The following CC2D2B variants were observed in gnomAD, a reference collection of about 807,000 sequenced individuals.
CC2D2B encodes the protein protein CC2D2B.
A neutral mutation model predicts 161.2 loss-of-function variants in CC2D2B; 128 were observed. The ratio of observed to expected loss-of-function variants is 0.79; its 90% CI spans 0.69 to 0.92. The LOEUF is 0.92. Among genes scored for constraint, CC2D2B ranks in the 40% least tolerant of loss-of-function variants. CC2D2B has a pLI of 0.00. For synonymous variants in CC2D2B, 391 were observed against 449.8 expected (o/e 0.87, Z 1.65); for missense variants, 1,173 against 1,375.1 (o/e 0.85, Z 2.32).
chr10:95,959,255 G>T (rs2076682050), intron 11 of CC2D2B, among the ~76,000 whole-genome samples: 1 of 152,132 alleles, frequency 6.6e-6, no homozygotes, highest in African/African-American at 2.4e-5. Context: ...TTAAAGCAGT[G>T]GGTCTCAAAG....
chr10:95,969,432 T>C (rs936606105), intron 15 of CC2D2B, among the ~76,000 whole-genome samples: 2 of 151,756 alleles, frequency 1.3e-5, no homozygotes, highest in African/African-American at 4.8e-5. Flanking sequence ...AATAGGATGA[T>C]GGAGAAAAAT....
chr10:96,018,423 C>T (rs968875327), intron 30 of CC2D2B, among the ~76,000 whole-genome samples: 2 of 152,194 alleles, frequency 1.3e-5, no homozygotes, highest in African/African-American at 2.4e-5. Flanking sequence ...GAGCCTTAAG[C>T]CAGTTTCCAT....
chr10:95,951,367 C>T (rs1590551580), intron 10 of CC2D2B, among the ~76,000 whole-genome samples: 1 of 151,662 alleles, frequency 6.6e-6, no homozygotes, highest in South Asian at 2.1e-4. Context: ...GCCCAGGCTG[C>T]TCTTGAACTC....
At chr10:95,999,816 C>T in intron 24 of CC2D2B, 1 of 425,408 alleles carries the variant, frequency 2.4e-6, no homozygotes. Context: ...GCAGCTCAGG[C>T]TCCTTCCCAT....
chr10:95,929,309 G>A (rs2098545375), intron 6 of CC2D2B, among the ~76,000 whole-genome samples: 2 of 152,160 alleles, frequency 1.3e-5, no homozygotes, highest in African/African-American at 4.8e-5. Flanking sequence ...CTTTTCAGAT[G>A]AGTAGATTGC....
intron 20 of CC2D2B, among the ~76,000 whole-genome samples, chr10:95,990,448 G>A (rs1202521138): frequency 6.6e-6 from 1 of 152,162 alleles, no homozygotes; most frequent in Non-Finnish European, 1.5e-5. Flanking sequence ...AGCACACCTG[G>A]CCTGTGGGAG....
At chr10:95,926,735 C>T (rs953144520) in intron 5 of CC2D2B, among the ~76,000 whole-genome samples, 17 of 151,372 alleles carry the variant, frequency 1.1e-4, no homozygotes, top group African/African-American at 2.9e-4. Context: ...TCTTTGTCAG[C>T]GGGTTTACAA....
At chr10:95,952,779 C>T (rs1273065154) in intron 10 of CC2D2B, among the ~76,000 whole-genome samples, 1 of 151,908 alleles carries the variant, frequency 6.6e-6, no homozygotes, top group Non-Finnish European at 1.5e-5. Context: ...TTAATCACTC[C>T]CATTCAATGG....
chr10:95,993,936 G>A (rs1423535451), intron 22 of CC2D2B, among the ~76,000 whole-genome samples: 8 of 19,528 alleles, frequency 4.1e-4, no homozygotes, highest in East Asian at 3.7e-3. Context: ...GTGTGTGTGT[G>A]TGTGTGTATG....
At chr10:96,022,862 G>A (rs2079530813) in intron 32 of CC2D2B, 1 of 152,510 alleles carries the variant, frequency 6.6e-6, no homozygotes, top group African/African-American at 2.4e-5. Context: ...AGGAGGCCCT[G>A]AGGGAGGGGA....
In CC2D2B at chr10:95,991,399, TA is replaced by T. The variant is rs2077951645; in HGVS notation, c.2413del (p.Ile805LeufsTer10). On this transcript the variant is annotated frameshift_variant, in exon 21 of 35. Coordinates refer to ENST00000646931, the MANE Select transcript of CC2D2B (RefSeq NM_001349008.3). LOFTEE classifies it high-confidence loss of function. ...GAAGGTTGATAATGAAGAGAATTGTTAAAATTAGCAAATGTAACTTGTCAGA... is the reference window on the plus strand; with the variant it reads ...GAAGGTTGATAATGAAGAGAATTGTTAAATTAGCAAATGTAACTTGTCAGA... The part of the protein sequence containing the change: ...VRRLIMKRIV[K>X]ISKCNLSDIV... 2 of 1,139,256 alleles carry T rather than the reference TA, an allele frequency of 1.8e-6. No homozygotes were observed. Among genetic ancestry groups the T allele is most frequent in the Non-Finnish European group, 2.2e-6 (2 of 902,890 alleles). 70.6% of individuals were successfully genotyped at this position (1,139,256 alleles called of 1,614,324 possible).
Position 95,983,703 on chromosome 10 carries a change from G to A in CC2D2B, c.2180G>A (p.Ser727Asn). ...GTTTCTGAAGAGGAAATGGCAAAGAGTAAACGTTTCCAGCTATTGCAACTT... is the reference window on the plus strand; with the variant it reads ...GTTTCTGAAGAGGAAATGGCAAAGAATAAACGTTTCCAGCTATTGCAACTT... ...NFVSEEEMAKSKRFQLLQLRN... is the reference protein window; with the variant it reads ...NFVSEEEMAKNKRFQLLQLRN... Residue 727 changes from serine (S) to asparagine (N), a missense_variant, in exon 19 of 35, where the codon AGT (serine) becomes AAT (asparagine). By Grantham distance (46) the Ser-to-Asn change is conservative. This residue lies in a region of CC2D2B where 277 missense variants were observed against 420.6 expected (regional missense o/e 0.66). Transcript: ENST00000646931. 8.1e-7 allele frequency: 1 copy of A among 1,230,846 alleles called. No homozygotes were observed. Among genetic ancestry groups the A allele is most frequent in the Non-Finnish European group, 1.0e-6 (1 of 986,870 alleles). 76.2% of individuals were successfully genotyped at this position (1,230,846 alleles called of 1,614,324 possible).
chr10:95,925,406 C>A (rs2098536658), intron 5 of CC2D2B, among the ~76,000 whole-genome samples: 1 of 152,166 alleles, frequency 6.6e-6, no homozygotes, highest in African/African-American at 2.4e-5. Context: ...CATAGGAACT[C>A]AGGGCCCTAG....
intron 2 of CC2D2B, among the ~76,000 whole-genome samples, chr10:95,916,557 G>T (rs138909075): frequency 6.6e-6 from 1 of 151,770 alleles, no homozygotes; most frequent in African/African-American, 2.4e-5. Flanking sequence ...TTTCCTCTTA[G>T]TACTGCTTTT....
At chr10:95,929,133 C>G (rs1024485234) in intron 6 of CC2D2B, among the ~76,000 whole-genome samples, 1 of 152,200 alleles carries the variant, frequency 6.6e-6, no homozygotes, top group Non-Finnish European at 1.5e-5. Flanking sequence ...CTTTGATTTG[C>G]ATTTCTCTAA....
chr10:96,032,887 T>C lies in CC2D2B; in HGVS notation c.*879T>C, dbSNP rs2080107946. On this transcript the variant is annotated 3_prime_UTR_variant, in exon 35 of 35. Coordinates refer to ENST00000646931, the MANE Select transcript of CC2D2B (RefSeq NM_001349008.3). ...CAACTCTGCCTCTGGCACTTTTTGC[T>C]GCTTTTCTTTCTTAGTAGTGGCTTA... The C allele has an allele frequency of 2.4e-6, 1 of 424,144 alleles. No individual in the cohort carries two copies. Among genetic ancestry groups the C allele is most frequent in the Non-Finnish European group, 4.8e-6 (1 of 207,420 alleles). The allele number at this position is 424,144 out of a possible 1,614,324, so 26.3% of individuals were successfully genotyped here. A position where few individuals can be genotyped will look rare whatever the true frequency, so the allele number is the denominator to read the frequency against.
intron 2 of CC2D2B, among the ~76,000 whole-genome samples, chr10:95,918,066 C>T (rs1277007425): frequency 6.6e-6 from 1 of 152,142 alleles, no homozygotes; most frequent in South Asian, 2.1e-4. Context: ...TATGAGCCAC[C>T]GTGCCCAGCC....
rs148996423 is a variant in CC2D2B at position 96,019,359 on chromosome 10, A to G, written c.3765+22A>G. ...AAATGTAAGTATATGGGGAAAAAAA[A>G]TCTTGAGTTATCTCCTCTAGAGTCA... On this transcript the variant is annotated intron_variant, in intron 31 of 34. Transcript: ENST00000646931. 5.0e-3 allele frequency: 7,912 copies of G among 1,591,220 alleles called. 28 individuals are homozygous for G. The highest frequency in any genetic ancestry group is 6.1e-3 in the Non-Finnish European group (7,140 of 1,169,992).
At chr10:95,909,307 A>G (rs182193147) in intron 1 of CC2D2B, among the ~76,000 whole-genome samples, 29 of 152,342 alleles carry the variant, frequency 1.9e-4, no homozygotes, top group African/African-American at 6.3e-4. Flanking sequence ...TATCCTAATA[A>G]CAATAAAGGG....
Sources: allele counts gnomAD v4.1 joint callset (sites outside exome capture counted in the v4.1 genomes callset), GRCh38; gene constraint gnomAD v4.1.1; regional missense constraint gnomAD v4.1.1; transcripts MANE v1.5; gene names NCBI Gene and HGNC (gene_info 2026-07-23, HGNC 2026-07-21).